The following WWC1 variants were observed in gnomAD, a reference collection of about 807,000 sequenced individuals.
The protein encoded by WWC1 is WW and C2 domain containing 1, also known as protein KIBRA.
Under a neutral mutation model 138.4 loss-of-function variants are expected in WWC1, and 55 were observed. That is an observed-to-expected ratio of 0.40 (90% CI 0.32 to 0.50). The LOEUF (loss-of-function observed/expected upper bound fraction) is 0.50. Among genes scored for constraint, WWC1 ranks in the 20% least tolerant of loss-of-function variants. The pLI is 0.72. For missense variants in WWC1, 1,226 were observed against 1,420.4 expected (o/e 0.86, Z 2.20); for synonymous variants, 524 against 564.9 (o/e 0.93, Z 1.03).
Position 168,292,357 on chromosome 5 carries a change from G to A in WWC1, c.119+86G>A, listed in dbSNP as rs1769126378. 6.8e-7 allele frequency: 1 copy of A among 1,477,022 alleles called. No homozygotes were observed. Among genetic ancestry groups the A allele is most frequent in the East Asian group, 2.6e-5 (1 of 37,892 alleles). 91.5% of individuals were successfully genotyped at this position (1,477,022 alleles called of 1,614,324 possible). A position where few individuals can be genotyped will look rare whatever the true frequency, so the allele number is the denominator to read the frequency against. On this transcript the variant is annotated intron_variant, in intron 1 of 22. Transcript: ENST00000265293. This position sits in a 1 kb window ranked among gnomAD's most constrained non-coding sequence, Gnocchi z 4.4. Reference sequence around the variant, plus strand: ...TGGAGCCGCCGGCCGGGACTGGGAGGGGGCAGGGGAGCTCTGCGTGCCTCT... The same window carrying A: ...TGGAGCCGCCGGCCGGGACTGGGAGAGGGCAGGGGAGCTCTGCGTGCCTCT...
intron 1 of WWC1, 40 bp from the exon 2 acceptor site, chr5:168,371,384 C>T: frequency 2.0e-6 from 3 of 1,515,782 alleles, no homozygotes; most frequent in Non-Finnish European, 2.7e-6. Flanking sequence ...CATTTGGGGA[C>T]TGTAGGCTGA....
intron 1 of WWC1, among the ~76,000 whole-genome samples, chr5:168,361,881 A>G (rs1352465843): frequency 2.6e-5 from 4 of 152,186 alleles, no homozygotes; most frequent in Non-Finnish European, 5.9e-5. Flanking sequence ...CAGGAGTTTG[A>G]GACCAGCCTG....
chr5:168,460,677 A>C lies in WWC1; in HGVS notation c.2851A>C (p.Thr951Pro), dbSNP rs760570739. ...RLNRSDSDSS[T>P]LSKKPPFVRN... ...GAATCGGAGTGATAGTGACAGCTCC[A>C]CTCTGTCCAAAAAGCCACCTTTTGT... The change falls in exon 20 of 23, where the codon ACT (threonine) becomes CCT (proline). Residue 951 changes from threonine to proline, a missense_variant. Physicochemically the swap from Thr to Pro is conservative, Grantham distance 38. Coordinates refer to ENST00000265293, the MANE Select transcript of WWC1 (RefSeq NM_015238.3). 1 of 1,613,848 alleles carries C rather than the reference A, an allele frequency of 6.2e-7. No homozygotes were observed. The highest frequency in any genetic ancestry group is 1.3e-5 in the African/African-American group (1 of 74,862).
At chr5:168,446,522 G>A (rs1755282213) in intron 17 of WWC1, among the ~76,000 whole-genome samples, 1 of 152,280 alleles carries the variant, frequency 6.6e-6, no homozygotes, top group African/African-American at 2.4e-5. Flanking sequence ...CTATTGCAGT[G>A]TAAAATACAT....
chr5:168,351,803 C>A (rs1774983116), intron 1 of WWC1, among the ~76,000 whole-genome samples: 1 of 152,168 alleles, frequency 6.6e-6, no homozygotes, highest in South Asian at 2.1e-4. Context: ...TGCCGCCTGC[C>A]CACTCTGGGT....
At chr5:168,377,185 C>G (rs1777243807) in intron 2 of WWC1, among the ~76,000 whole-genome samples, 1 of 152,146 alleles carries the variant, frequency 6.6e-6, no homozygotes, top group Admixed American at 6.5e-5. Flanking sequence ...GGGGAAAGGA[C>G]TTCCTGTTCA....
chr5:168,308,159 G>C (rs1489272253), intron 1 of WWC1, among the ~76,000 whole-genome samples: 1 of 152,200 alleles, frequency 6.6e-6, no homozygotes, highest in African/African-American at 2.4e-5. Flanking sequence ...GGCTTTAGCC[G>C]TGCATGGGTT....
chr5:168,302,192 C>T (rs1161630403), intron 1 of WWC1, among the ~76,000 whole-genome samples: 2 of 152,198 alleles, frequency 1.3e-5, no homozygotes, highest in Non-Finnish European at 2.9e-5. Context: ...TTCCCTTTTG[C>T]GCTGTTTGAG....
At chr5:168,403,018 CT>C (rs1779443947) in intron 5 of WWC1, among the ~76,000 whole-genome samples, 1 of 98,546 alleles carries the variant, frequency 1.0e-5, no homozygotes, top group Admixed American at 9.9e-5. Context: ...TTCTTTCTTT[CT>C]TTCTTTCTTT....
chr5:168,310,924 C>T (rs1273107835), intron 1 of WWC1, among the ~76,000 whole-genome samples: 1 of 152,048 alleles, frequency 6.6e-6, no homozygotes, highest in Non-Finnish European at 1.5e-5. Context: ...TGTTCTCTTA[C>T]ATAACCACAC....
chr5:168,298,975 C>T lies in WWC1; in HGVS notation c.119+6704C>T, dbSNP rs192274407. Among the ~76,000 whole-genome samples, 219 of 152,322 alleles carry T rather than the reference C, an allele frequency of 1.4e-3. No individual in the cohort carries two copies. In the Middle Eastern group the frequency reaches 0.02, roughly 14 times the overall value. On this transcript the variant is annotated intron_variant, in intron 1 of 22. Transcript: ENST00000265293. Reference sequence around the variant, plus strand: ...TGGCACGCACCTGTAATCCCAGCTACTCAGGAGGCTGAGACAGGAGAATCG... The same window carrying T: ...TGGCACGCACCTGTAATCCCAGCTATTCAGGAGGCTGAGACAGGAGAATCG...
chr5:168,464,187 A>G (rs2152894532), intron 20 of WWC1, among the ~76,000 whole-genome samples: 1 of 152,264 alleles, frequency 6.6e-6, no homozygotes, highest in Non-Finnish European at 1.5e-5. Flanking sequence ...GGACAAGCAG[A>G]AACAATAGGG....
chr5:168,467,485 A>G (rs1018781407), intron 21 of WWC1, among the ~76,000 whole-genome samples: 1 of 152,182 alleles, frequency 6.6e-6, no homozygotes, highest in African/African-American at 2.4e-5. Context: ...GTAGTCTGAC[A>G]TTAAAGAAAT....
At chr5:168,357,303 T>TACACAC (rs3083619) in intron 1 of WWC1, among the ~76,000 whole-genome samples, 2,534 of 145,198 alleles carry the variant, frequency 0.017, 49 homozygotes, top group African/African-American at 0.051. Flanking sequence ...CTTTCTCTCT[T>TACACAC]ACACACACAC....
chr5:168,381,041 C>G (rs1777591884), intron 2 of WWC1, among the ~76,000 whole-genome samples: 1 of 152,126 alleles, frequency 6.6e-6, no homozygotes, highest in Non-Finnish European at 1.5e-5. Flanking sequence ...TTGATGCCCA[C>G]TTCACACTGT....
At chr5:168,366,980 T>C (rs1386359013) in intron 1 of WWC1, among the ~76,000 whole-genome samples, 2 of 151,746 alleles carry the variant, frequency 1.3e-5, no homozygotes, top group African/African-American at 2.4e-5. Flanking sequence ...GTATTTTTAA[T>C]AGAGATGGAG....
chr5:168,362,768 G>A (rs1397218650), intron 1 of WWC1, among the ~76,000 whole-genome samples: 1 of 152,178 alleles, frequency 6.6e-6, no homozygotes, highest in African/African-American at 2.4e-5. Flanking sequence ...TGAAGGAAGG[G>A]GATGGACCCA....
At chr5:168,463,473 C>A (rs1313165874) in intron 20 of WWC1, among the ~76,000 whole-genome samples, 1 of 152,140 alleles carries the variant, frequency 6.6e-6, no homozygotes, top group Admixed American at 6.5e-5. Flanking sequence ...AGCAGAAGAG[C>A]CCAGCCAGGA....
intron 17 of WWC1, among the ~76,000 whole-genome samples, chr5:168,451,388 G>T: frequency 6.6e-6 from 1 of 152,140 alleles, no homozygotes; most frequent in Non-Finnish European, 1.5e-5. Context: ...GGTCATAAAT[G>T]CATGAAGAGT....
Sources: gnomAD v4.1 joint callset for allele counts (sites outside exome capture counted in the v4.1 genomes callset) on GRCh38, gnomAD v4.1.1 for gene constraint, Gnocchi (gnomAD v3.1) non-coding constraint, MANE v1.5 for transcripts, NCBI Gene and HGNC (gene_info 2026-07-23, HGNC 2026-07-21) for gene names.